Variants in ZFYVE28 observed in about 807,000 individuals in gnomAD.
The protein encoded by ZFYVE28 is zinc finger FYVE-type containing 28.
In ZFYVE28, 40 loss-of-function variants were observed where a neutral mutation model predicts 82.1. The ratio of observed to expected loss-of-function variants is 0.49; its 90% CI spans 0.38 to 0.63. ZFYVE28 has a LOEUF of 0.63. Among genes scored for constraint, ZFYVE28 ranks in the 30% least tolerant of loss-of-function variants. ZFYVE28 has a pLI of 0.00. For synonymous variants in ZFYVE28, 612 were observed against 546.1 expected (o/e 1.12, Z -1.68); for missense variants, 1,321 against 1,242.1 (o/e 1.06, Z -0.96).
At chr4:2,364,667 G>A (rs976525667) in intron 1 of ZFYVE28, 3 of 985,504 alleles carry the variant, frequency 3.0e-6, no homozygotes, top group Non-Finnish European at 3.6e-6. Flanking sequence ...CAGAGAACCC[G>A]CTTAGCCTGG....
At chr4:2,276,147 G>T (rs565892942) in intron 8 of ZFYVE28, among the ~76,000 whole-genome samples, 11 of 152,088 alleles carry the variant, frequency 7.2e-5, no homozygotes, top group Admixed American at 2.6e-4. Context: ...GCGGCAGAGC[G>T]GGGGAGGAGG....
rs771862468 is a variant in ZFYVE28, at chr4:2,304,754, G to A, written c.1586C>T (p.Ser529Phe). ...GGCGGCCTCCTGGGTGGCGACCGCA[G>A]AGTCCAGGGAAGTGGGCGATTTGGG... ...FNPKSPTSLDSAVATQEAASE... is the reference protein window; with the variant it reads ...FNPKSPTSLDFAVATQEAASE... The change falls in exon 8 of 13, where the codon TCT becomes TTT. Residue 529 changes from serine to phenylalanine, a missense_variant. Ser to Phe is a radical substitution (Grantham distance 155). Transcript: ENST00000290974. 1.9e-6 allele frequency: 3 copies of A among 1,612,568 alleles called. No homozygotes were observed. The highest frequency in any genetic ancestry group is 1.7e-5 in the Admixed American group (1 of 59,996).
In ZFYVE28 at chr4:2,304,438, G is replaced by A; in HGVS notation, c.1902C>T (p.Cys634=). 1 of 1,613,666 alleles carries A rather than the reference G, an allele frequency of 6.2e-7. No individual in the cohort carries two copies. The stretch of plus-strand genomic sequence containing the variant: ...CCTGGGAACCTGAGGTGTGAGGCAG[G>A]CACTTGTCGGAAGTGGGGGCTTTGG... ...REPKAPTSDK[C]LPHTSGSQVD... is the part of the protein sequence containing the mutation. The change falls in exon 8 of 13, where the codon TGC becomes TGT. Residue 634 remains cysteine (C), a synonymous_variant. Transcript: ENST00000290974.
intron 6 of ZFYVE28, among the ~76,000 whole-genome samples, chr4:2,326,624 A>G (rs1254234420): frequency 2.0e-5 from 3 of 152,156 alleles, no homozygotes; most frequent in Non-Finnish European, 4.4e-5. Flanking sequence ...ATGTAGATTT[A>G]CTTGGGTAGT....
Position 2,379,795 on chromosome 4 carries a change from C to CT in ZFYVE28, c.40-25723dup, listed in dbSNP as rs559864898. Among the ~76,000 whole-genome samples, 528 of 149,934 alleles carry CT rather than the reference C, an allele frequency of 3.5e-3. 3 individuals carry two copies. The highest frequency in any genetic ancestry group is 0.012 in the African/African-American group (504 of 41,024). On this transcript the variant is annotated intron_variant, in intron 1 of 12. Transcript: ENST00000290974. ...GGATTTAAATTTTTAAATTTTCACA[C>CT]TTTTTTTTTTGAGACAGAGTCTTTC... is the stretch of plus-strand genomic sequence containing the variant.
chr4:2,367,363 C>T (rs748762311), intron 1 of ZFYVE28, among the ~76,000 whole-genome samples: 3 of 152,232 alleles, frequency 2.0e-5, no homozygotes, highest in Non-Finnish European at 2.9e-5. Flanking sequence ...GGGTGTCCCC[C>T]GCTCAAGCCC....
intron 1 of ZFYVE28, among the ~76,000 whole-genome samples, chr4:2,356,233 G>A (rs1030060850): frequency 5.9e-5 from 9 of 152,224 alleles, no homozygotes; most frequent in Non-Finnish European, 1.3e-4. Context: ...ACGGCTGCAT[G>A]CACCTGAGAC....
At chr4:2,279,358 G>A (rs1028751103) in intron 8 of ZFYVE28, among the ~76,000 whole-genome samples, 3 of 152,222 alleles carry the variant, frequency 2.0e-5, no homozygotes, top group Non-Finnish European at 4.4e-5. Flanking sequence ...TTGAACCCAG[G>A]AGGCAGAGGT....
Position 2,394,676 on chromosome 4 carries a change from G to GT in ZFYVE28, c.39+23608dup, listed in dbSNP as rs1730236391. 6.6e-6 allele frequency among the ~76,000 whole-genome samples: 1 copy of GT among 152,228 alleles called. No individual in the cohort carries two copies. The highest frequency in any genetic ancestry group is 1.5e-5 in the Non-Finnish European group (1 of 68,044). On this transcript the variant is annotated intron_variant, in intron 1 of 12. Coordinates refer to ENST00000290974, the MANE Select transcript of ZFYVE28 (RefSeq NM_020972.3). The surrounding 1 kb of genome is among the most constrained non-coding windows in gnomAD (Gnocchi z 4.0). ...GGTCACAGGCAGGGGCCTGGGTGTC[G>GT]TGTCACACAGGTCTGCGATCCGATC...
chr4:2,309,479 T>C (rs569640498), intron 7 of ZFYVE28, among the ~76,000 whole-genome samples: 2 of 152,370 alleles, frequency 1.3e-5, no homozygotes, highest in African/African-American at 2.4e-5. Context: ...TTTTTGTATA[T>C]TGATGTTTCA....
chr4:2,374,694 A>C (rs1194376946), intron 1 of ZFYVE28, among the ~76,000 whole-genome samples: 1 of 152,238 alleles, frequency 6.6e-6, no homozygotes, highest in African/African-American at 2.4e-5. Context: ...TTGTGTGCTC[A>C]TATAGAAAAA....
At chr4:2,298,807 C>T (rs879495217) in intron 8 of ZFYVE28, among the ~76,000 whole-genome samples, 32 of 152,198 alleles carry the variant, frequency 2.1e-4, no homozygotes, top group Non-Finnish European at 3.2e-4. Flanking sequence ...TGTGTCAGGA[C>T]GGCCACAGCC....
At chr4:2,395,414 A>T (rs1055579753) in intron 1 of ZFYVE28, among the ~76,000 whole-genome samples, 1 of 152,186 alleles carries the variant, frequency 6.6e-6, no homozygotes, top group African/African-American at 2.4e-5. Context: ...GCTCCATCCA[A>T]TTAGGCCCCT....
At chr4:2,350,821 G>C (rs1210701249) in intron 2 of ZFYVE28, among the ~76,000 whole-genome samples, 2 of 152,282 alleles carry the variant, frequency 1.3e-5, no homozygotes, top group Non-Finnish European at 1.5e-5. Flanking sequence ...CTTTGGGCTG[G>C]CGAACACATC....
At chr4:2,399,390 C>T (rs1459342850) in intron 1 of ZFYVE28, among the ~76,000 whole-genome samples, 1 of 152,184 alleles carries the variant, frequency 6.6e-6, no homozygotes, top group African/African-American at 2.4e-5. Flanking sequence ...GCTGGGCTGG[C>T]CCGTGACTTG....
chr4:2,322,659 C>T (rs560638546), intron 6 of ZFYVE28, among the ~76,000 whole-genome samples: 1 of 152,328 alleles, frequency 6.6e-6, no homozygotes, highest in Admixed American at 6.5e-5. Flanking sequence ...GAGGCATTTT[C>T]TGCATTCACG....
chr4:2,293,377 T>C (rs557432493), intron 8 of ZFYVE28, among the ~76,000 whole-genome samples: 56 of 151,656 alleles, frequency 3.7e-4, no homozygotes, highest in Non-Finnish European at 7.8e-4. Flanking sequence ...GACAAGATCA[T>C]CTATGTAGGA....
intron 1 of ZFYVE28, among the ~76,000 whole-genome samples, chr4:2,355,218 AT>A (rs1560269563): frequency 0.072 from 445 of 6,206 alleles, 102 homozygotes; most frequent in African/African-American, 0.23. Flanking sequence ...ATATATATAT[AT>A]ATATATATAT....
intron 8 of ZFYVE28, among the ~76,000 whole-genome samples, chr4:2,278,926 T>C (rs1553813515): frequency 2.3e-5 from 2 of 86,010 alleles, no homozygotes; most frequent in Non-Finnish European, 4.6e-5. Flanking sequence ...ACGATTAGAA[T>C]GTTCCCCCCC....
Sources: gnomAD v4.1 joint callset for allele counts (sites outside exome capture counted in the v4.1 genomes callset) on GRCh38, gnomAD v4.1.1 for gene constraint, Gnocchi (gnomAD v3.1) non-coding constraint, MANE v1.5 for transcripts, NCBI Gene and HGNC (gene_info 2026-07-23, HGNC 2026-07-21) for gene names.